Variants in PKIG observed in about 807,000 individuals in gnomAD.
PKIG encodes the protein cAMP-dependent protein kinase inhibitor gamma, also known as protein kinase (cAMP-dependent, catalytic) inhibitor gamma.
A neutral mutation model predicts 6.8 loss-of-function variants in PKIG; 1 was observed. The observed-to-expected ratio is 0.15, with a 90% CI of 0.05 to 0.69. PKIG has a LOEUF of 0.69. PKIG is among the 30% of genes least tolerant of loss of function. PKIG has a pLI of 0.82. For missense variants in PKIG, 77 were observed against 104.0 expected (o/e 0.74, Z 1.13); for synonymous variants, 39 against 43.0 (o/e 0.91, Z 0.36).
At chr20:44,613,078 A>G (rs1328684746) in intron 2 of PKIG, among the ~76,000 whole-genome samples, 2 of 152,198 alleles carry the variant, frequency 1.3e-5, no homozygotes, top group East Asian at 3.8e-4. Context: ...TCTTCTTTAT[A>G]TATGTGGCAC....
chr20:44,577,319 A>G (rs2064907606), intron 1 of PKIG, among the ~76,000 whole-genome samples: 1 of 151,888 alleles, frequency 6.6e-6, no homozygotes, highest in South Asian at 2.1e-4. Flanking sequence ...TTTTTAGTAG[A>G]GACAGGGTTT....
At chr20:44,579,985 C>A (rs2064933827), upstream of PKIG, among the ~76,000 whole-genome samples, 1 of 152,198 alleles carries the variant, frequency 6.6e-6, no homozygotes, top group Non-Finnish European at 1.5e-5. Context: ...CCTTACAGCT[C>A]TGGGTGGGCT....
At chr20:44,538,177 C>T (rs753150100) in intron 1 of PKIG, among the ~76,000 whole-genome samples, 8 of 152,160 alleles carry the variant, frequency 5.3e-5, no homozygotes, top group Admixed American at 1.3e-4. Flanking sequence ...CTGTCTACTT[C>T]CAGAGCATTA....
upstream of PKIG, among the ~76,000 whole-genome samples, chr20:44,581,349 GTTT>G (rs922167842): frequency 2.0e-5 from 3 of 152,114 alleles, no homozygotes; most frequent in African/African-American, 7.2e-5. Flanking sequence ...CCTTACATGT[GTTT>G]TTTAATTCTC....
chr20:44,545,160 T>C (rs1200913739), intron 1 of PKIG, among the ~76,000 whole-genome samples: 1 of 152,090 alleles, frequency 6.6e-6, no homozygotes, highest in African/African-American at 2.4e-5. Flanking sequence ...AGTCTCGAAC[T>C]CCTGACCTCA....
chr20:44,538,516 A>G (rs956120782), intron 1 of PKIG, among the ~76,000 whole-genome samples: 6 of 152,208 alleles, frequency 3.9e-5, no homozygotes, highest in East Asian at 1.9e-4. Context: ...AGCTTTAGCA[A>G]TTGCCAACAT....
chr20:44,566,086 T>TA (rs2064808275), intron 1 of PKIG, among the ~76,000 whole-genome samples: 1 of 152,220 alleles, frequency 6.6e-6, no homozygotes, highest in Non-Finnish European at 1.5e-5. Flanking sequence ...TTAAAACTCT[T>TA]ACAACATTGC....
intron 1 of PKIG, among the ~76,000 whole-genome samples, chr20:44,554,310 G>A (rs756188940): frequency 5.9e-5 from 9 of 151,830 alleles, no homozygotes; most frequent in Non-Finnish European, 8.8e-5. Context: ...CTCGAACTCC[G>A]GCCTCAAGTG....
intron 1 of PKIG, among the ~76,000 whole-genome samples, chr20:44,576,845 C>T (rs889720206): frequency 2.6e-5 from 4 of 152,136 alleles, no homozygotes; most frequent in African/African-American, 7.2e-5. Context: ...TGATATCCTG[C>T]GAACCTATCC....
chr20:44,606,020 C>G (rs1349077264), intron 2 of PKIG, among the ~76,000 whole-genome samples: 1 of 152,084 alleles, frequency 6.6e-6, no homozygotes, highest in Non-Finnish European at 1.5e-5. Flanking sequence ...AAATAAAGAT[C>G]AATTTTACTA....
At chr20:44,554,955 A>G (rs2064700670) in intron 1 of PKIG, among the ~76,000 whole-genome samples, 1 of 152,194 alleles carries the variant, frequency 6.6e-6, no homozygotes, top group Non-Finnish European at 1.5e-5. Context: ...TTCTGAGAGT[A>G]GGGTATTAAA....
intron 1 of PKIG, among the ~76,000 whole-genome samples, chr20:44,577,314 A>G (rs1441157337): frequency 6.6e-6 from 1 of 151,822 alleles, no homozygotes; most frequent in Non-Finnish European, 1.5e-5. Flanking sequence ...TGTTTTTTTT[A>G]GTAGAGACAG....
At chr20:44,558,218 G>T (rs1454659110) in intron 1 of PKIG, among the ~76,000 whole-genome samples, 2 of 152,230 alleles carry the variant, frequency 1.3e-5, no homozygotes, top group Non-Finnish European at 2.9e-5. Flanking sequence ...GGTAGTAATA[G>T]TAATATTAGT....
chr20:44,609,484 A>C (rs148629472), intron 2 of PKIG, among the ~76,000 whole-genome samples: 37 of 152,292 alleles, frequency 2.4e-4, no homozygotes, highest in African/African-American at 8.9e-4. Flanking sequence ...GCTCCTCCCC[A>C]CAGAGGACAG....
intron 1 of PKIG, among the ~76,000 whole-genome samples, chr20:44,573,711 C>T (rs1221041808): frequency 6.6e-6 from 1 of 152,190 alleles, no homozygotes; most frequent in African/African-American, 2.4e-5. Context: ...ATGGGAACAT[C>T]TATACTTGCC....
chr20:44,540,950 A>G (rs1313853818), intron 1 of PKIG, among the ~76,000 whole-genome samples: 2 of 152,212 alleles, frequency 1.3e-5, no homozygotes, highest in Non-Finnish European at 2.9e-5. Context: ...CACTGGAACC[A>G]TTAAAGGAAT....
intron 1 of PKIG, among the ~76,000 whole-genome samples, chr20:44,556,076 T>C (rs1222740327): frequency 2.6e-5 from 4 of 152,152 alleles, no homozygotes; most frequent in Non-Finnish European, 5.9e-5. Flanking sequence ...CCTGAACTCA[T>C]GATTCACCCG....
chr20:44,565,577 T>C (rs919370482), intron 1 of PKIG, among the ~76,000 whole-genome samples: 13 of 152,230 alleles, frequency 8.5e-5, no homozygotes, highest in African/African-American at 1.7e-4. Flanking sequence ...CATCAGAAAC[T>C]GTCCCATAAC....
chr20:44,542,793 A>G (rs2064573841), intron 1 of PKIG, among the ~76,000 whole-genome samples: 1 of 152,168 alleles, frequency 6.6e-6, no homozygotes, highest in African/African-American at 2.4e-5. Context: ...GGGTTTCACC[A>G]CGTTGGCCAG....
Sources: allele counts gnomAD v4.1 joint callset (sites outside exome capture counted in the v4.1 genomes callset), GRCh38; gene constraint gnomAD v4.1.1; transcripts MANE v1.5; gene names NCBI Gene and HGNC (gene_info 2026-07-23, HGNC 2026-07-21).